Variants in COP1 observed in about 807,000 individuals in gnomAD.
COP1 encodes the protein COP1 E3 ubiquitin ligase.
Under a neutral mutation model 101.3 loss-of-function variants are expected in COP1, and 24 were observed. That is an observed-to-expected ratio of 0.24 (90% CI 0.17 to 0.33). The LOEUF is 0.33. Ranked by LOEUF, COP1 falls within the 10% of genes least tolerant of loss-of-function variation. COP1 has a pLI of 1.00. For missense variants in COP1, 663 were observed against 906.2 expected, an observed-to-expected ratio of 0.73 and a Z score of 3.45; for synonymous variants, 347 against 341.9, an observed-to-expected ratio of 1.01 and a Z score of -0.17.
chr1:176,159,344 C>T (rs1227762407), intron 5 of COP1, among the ~76,000 whole-genome samples: 1 of 152,070 alleles, frequency 6.6e-6, no homozygotes, highest in African/African-American at 2.4e-5. Flanking sequence ...ATTTTTAAAA[C>T]ACACATACAC....
intron 6 of COP1, among the ~76,000 whole-genome samples, chr1:176,145,357 GC>G (rs1195691365): frequency 6.8e-6 from 1 of 148,034 alleles, no homozygotes; most frequent in African/African-American, 2.5e-5. Context: ...TCACATACTG[GC>G]AAGAACACAG....
At chr1:176,092,699 TACTAATTATCAGCAAGAATGCTGAGA>T (rs1363791316) in intron 9 of COP1, among the ~76,000 whole-genome samples, 1 of 152,212 alleles carries the variant, frequency 6.6e-6, no homozygotes, top group East Asian at 1.9e-4. Flanking sequence ...AGTCCAACAA[TACTAATTATCAGCAAGAATGCTGAGA>T]ACCTGGAACT....
At chr1:176,111,648 A>T (rs144971693) in intron 9 of COP1, among the ~76,000 whole-genome samples, 1 of 152,208 alleles carries the variant, frequency 6.6e-6, no homozygotes, top group East Asian at 1.9e-4. Flanking sequence ...ATCCTTAATG[A>T]TACTAAGTTT....
At chr1:176,051,387 A>G (rs964344944) in intron 11 of COP1, among the ~76,000 whole-genome samples, 13 of 152,348 alleles carry the variant, frequency 8.5e-5, no homozygotes, top group Admixed American at 7.2e-4. Flanking sequence ...AATGACTTGC[A>G]GTGCAACAAC....
chr1:175,999,836 T>C (rs58539711), intron 15 of COP1, among the ~76,000 whole-genome samples: 10,029 of 152,216 alleles, frequency 0.066, 411 homozygotes, highest in Middle Eastern at 0.12. Context: ...ATTGTAGCCA[T>C]GATTTGCATT....
rs367972081 is a variant in COP1 at position 176,027,743 on chromosome 1, TG to T, written c.1613-56del. 1.3e-4 allele frequency: 139 copies of T among 1,040,990 alleles called. 1 individual carries two copies. The highest frequency in any genetic ancestry group is 1.3e-3 in the East Asian group (52 of 40,718). 64.5% of individuals were successfully genotyped at this position (1,040,990 alleles called of 1,614,324 possible). A position where few individuals can be genotyped will look rare whatever the true frequency, so the allele number is the denominator to read the frequency against. On this transcript the variant is annotated intron_variant, in intron 14 of 19. Coordinates refer to ENST00000367669, the MANE Select transcript of COP1 (RefSeq NM_022457.7). ...GAGAAACAAGTAATACATTAGTAAA[TG>T]CTTCTGTAACTTGGGAAAGTTGGCT...
At chr1:176,113,520 C>A (rs957817233) in intron 9 of COP1, among the ~76,000 whole-genome samples, 1 of 152,136 alleles carries the variant, frequency 6.6e-6, no homozygotes, top group East Asian at 1.9e-4. Flanking sequence ...CTACTGGTTT[C>A]TAGCTCATAG....
At chr1:176,162,572 A>G (rs1221761643) in intron 5 of COP1, among the ~76,000 whole-genome samples, 1 of 152,208 alleles carries the variant, frequency 6.6e-6, no homozygotes, top group Non-Finnish European at 1.5e-5. Context: ...TCATTAGAAG[A>G]CAGATAACCA....
At chr1:176,100,476 T>C (rs1283610720) in intron 9 of COP1, 1 of 152,258 alleles carries the variant, frequency 6.6e-6, no homozygotes, top group East Asian at 1.9e-4. Flanking sequence ...TACATTCCTT[T>C]GTTATTTTTA....
chr1:176,097,680 C>T (rs1298877955), intron 9 of COP1, among the ~76,000 whole-genome samples: 5 of 151,874 alleles, frequency 3.3e-5, no homozygotes, highest in African/African-American at 1.2e-4. Flanking sequence ...ACCAGCCTGG[C>T]CAGCATGGTG....
intron 12 of COP1, among the ~76,000 whole-genome samples, chr1:176,044,655 G>T (rs552231608): frequency 6.6e-6 from 1 of 152,266 alleles, no homozygotes; most frequent in Non-Finnish European, 1.5e-5. Flanking sequence ...AGGTAGACTT[G>T]AGTTCAAATT....
chr1:176,012,034 A>G (rs1421133624), intron 15 of COP1, among the ~76,000 whole-genome samples: 3 of 152,158 alleles, frequency 2.0e-5, no homozygotes, highest in Non-Finnish European at 4.4e-5. Context: ...ATACAACCTC[A>G]GGAAGCTGGG....
intron 5 of COP1, chr1:176,160,230 T>G (rs1267854406): frequency 5.0e-6 from 2 of 397,780 alleles, no homozygotes; most frequent in Non-Finnish European, 9.8e-6. Context: ...AATTATCTGC[T>G]TTTGGTATGG....
At chr1:176,043,651 A>G in intron 13 of COP1, 59 bp downstream of exon 13, 3 of 1,011,696 alleles carry the variant, frequency 3.0e-6, no homozygotes, top group Non-Finnish European at 4.7e-6. Flanking sequence ...TGAAGTTCTA[A>G]AAGTTTTAAC....
chr1:176,002,869 C>T (rs1316089794), intron 15 of COP1, among the ~76,000 whole-genome samples: 2 of 151,716 alleles, frequency 1.3e-5, no homozygotes, highest in South Asian at 2.1e-4. Context: ...TGGGTATATA[C>T]TCAGTAATGG....
chr1:176,127,303 C>G (rs1688160122), intron 8 of COP1, among the ~76,000 whole-genome samples: 1 of 152,108 alleles, frequency 6.6e-6, no homozygotes, highest in African/African-American at 2.4e-5. Flanking sequence ...AGAATTGATT[C>G]TTCCTGTCTA....
intron 18 of COP1, chr1:175,968,590 T>A (rs943088679): frequency 2.6e-5 from 12 of 468,038 alleles, no homozygotes; most frequent in Non-Finnish European, 3.8e-5. Flanking sequence ...GTCTTTTATA[T>A]TCCAATTAAC....
intron 15 of COP1, among the ~76,000 whole-genome samples, chr1:175,997,051 A>T (rs1443583208): frequency 5.3e-5 from 8 of 151,082 alleles, no homozygotes; most frequent in Admixed American, 5.3e-4. Context: ...CAAAACAGAG[A>T]TATAGATCAA....
chr1:176,015,000 C>T (rs1429383860), intron 15 of COP1, among the ~76,000 whole-genome samples: 1 of 152,002 alleles, frequency 6.6e-6, no homozygotes, highest in African/African-American at 2.4e-5. Flanking sequence ...AACAATGAGA[C>T]AGAGAGGAAA....
Sources: gnomAD v4.1 joint callset for allele counts (sites outside exome capture counted in the v4.1 genomes callset) on GRCh38, gnomAD v4.1.1 for gene constraint, MANE v1.5 for transcripts, NCBI Gene and HGNC (gene_info 2026-07-23, HGNC 2026-07-21) for gene names.